The following EGFR variants were observed in gnomAD, a reference collection of about 807,000 sequenced individuals.
EGFR encodes the protein epidermal growth factor receptor.
EGFR carries 58 observed loss-of-function variants against 143.0 expected under a neutral mutation model. That is an observed-to-expected ratio of 0.41 (90% CI 0.33 to 0.50). The LOEUF (loss-of-function observed/expected upper bound fraction) is 0.50. EGFR is among the 20% of genes least tolerant of loss of function. The probability of loss-of-function intolerance (pLI) is 0.39; values close to 1 mark genes in which losing one functional copy is unlikely to be tolerated. For synonymous variants in EGFR, 613 were observed against 594.4 expected, an observed-to-expected ratio of 1.03 and a Z score of -0.45; for missense variants, 1,307 against 1,579.0, an observed-to-expected ratio of 0.83 and a Z score of 2.92.
chr7:55,066,113 C>A (rs1290011928), intron 1 of EGFR, among the ~76,000 whole-genome samples: 2 of 152,154 alleles, frequency 1.3e-5, no homozygotes, highest in Non-Finnish European at 2.9e-5. Context: ...GAGTCCCCTG[C>A]ACAGGACAGC....
At chr7:55,201,626 T>C in intron 25 of EGFR, 109 bp from the exon 26 acceptor site, 4 of 1,414,432 alleles carry the variant, frequency 2.8e-6, no homozygotes, top group Non-Finnish European at 4.0e-6. Flanking sequence ...AGACAAAAAT[T>C]AAACACCTTC....
intron 4 of EGFR, among the ~76,000 whole-genome samples, chr7:55,150,680 C>T (rs1188601417): frequency 2.0e-5 from 3 of 152,308 alleles, no homozygotes; most frequent in Admixed American, 2.0e-4. Flanking sequence ...GACAGGAAAA[C>T]CTTTGCAGCT....
At chr7:55,124,040 A>G (rs1043822441) in intron 1 of EGFR, among the ~76,000 whole-genome samples, 4 of 152,208 alleles carry the variant, frequency 2.6e-5, no homozygotes, top group African/African-American at 9.7e-5. Context: ...ATGTGTGTGT[A>G]TTAATGTATG....
At chr7:55,108,255 G>A (rs1021639896) in intron 1 of EGFR, among the ~76,000 whole-genome samples, 18 of 152,232 alleles carry the variant, frequency 1.2e-4, no homozygotes, top group Admixed American at 6.5e-4. Flanking sequence ...TCATGCTTAT[G>A]TTCTAGTCAT....
intron 15 of EGFR, among the ~76,000 whole-genome samples, chr7:55,169,225 C>T (rs368015537): frequency 2.0e-5 from 3 of 152,000 alleles, no homozygotes; most frequent in Admixed American, 6.6e-5. Context: ...TTCAGCCTCC[C>T]GAGTAGCTGG....
intron 13 of EGFR, 74 bp downstream of exon 13, chr7:55,161,705 G>C (rs2128943290): frequency 1.9e-6 from 3 of 1,609,700 alleles, no homozygotes; most frequent in South Asian, 1.1e-5. Context: ...AGCTTTACAG[G>C]CATTCTGTTT....
chr7:55,075,521 A>C (rs1790087071), intron 1 of EGFR, among the ~76,000 whole-genome samples: 1 of 152,232 alleles, frequency 6.6e-6, no homozygotes, highest in Admixed American at 6.5e-5. Context: ...ATTTCCCCCT[A>C]GATTAGGTCA....
chr7:55,118,880 G>A (rs1793033118), intron 1 of EGFR, among the ~76,000 whole-genome samples: 1 of 151,800 alleles, frequency 6.6e-6, no homozygotes, highest in African/African-American at 2.4e-5. Flanking sequence ...TGGGAAAATT[G>A]GTTATTTTAC....
intron 1 of EGFR, among the ~76,000 whole-genome samples, chr7:55,116,306 G>A (rs1006231043): frequency 3.3e-5 from 5 of 152,098 alleles, no homozygotes; most frequent in East Asian, 1.9e-4. Context: ...CACGCAATGC[G>A]CACATCCCAC....
At chr7:55,069,681 G>A (rs1355334432) in intron 1 of EGFR, among the ~76,000 whole-genome samples, 1 of 152,122 alleles carries the variant, frequency 6.6e-6, no homozygotes, top group Non-Finnish European at 1.5e-5. Flanking sequence ...CCAACTTCAG[G>A]TCCCTTTGAC....
intron 1 of EGFR, among the ~76,000 whole-genome samples, chr7:55,025,710 C>T (rs1786841505): frequency 6.6e-6 from 1 of 152,184 alleles, no homozygotes; most frequent in African/African-American, 2.4e-5. Flanking sequence ...TTCCTGGCTC[C>T]ACCTGTCTCA....
intron 27 of EGFR, among the ~76,000 whole-genome samples, chr7:55,203,498 A>T (rs1240288868): frequency 6.8e-6 from 1 of 146,812 alleles, no homozygotes; most frequent in African/African-American, 2.6e-5. Flanking sequence ...ACACAGACAC[A>T]TATACACTAC....
chr7:55,096,104 C>G (rs981072158), intron 1 of EGFR, among the ~76,000 whole-genome samples: 7 of 152,114 alleles, frequency 4.6e-5, no homozygotes. Context: ...GTGAAAGAAG[C>G]CTTGTTTTTC....
chr7:55,172,202 T>C (rs12666182), intron 16 of EGFR, among the ~76,000 whole-genome samples: 39,119 of 152,146 alleles, frequency 0.26, 5,640 homozygotes, highest in East Asian at 0.56. Flanking sequence ...TCCATCTTTT[T>C]CTTCTCCTCC....
At chr7:55,185,967 A>C (rs565506250) in intron 20 of EGFR, among the ~76,000 whole-genome samples, 39 of 152,354 alleles carry the variant, frequency 2.6e-4, no homozygotes, top group African/African-American at 9.4e-4. Context: ...TGCTACTGAC[A>C]AGAAGCCCCA....
intron 1 of EGFR, among the ~76,000 whole-genome samples, chr7:55,103,402 A>G (rs1377332415): frequency 6.6e-6 from 1 of 152,260 alleles, no homozygotes; most frequent in Non-Finnish European, 1.5e-5. Flanking sequence ...CATAACCATA[A>G]TATGTCTTCA....
rs749400221 is a variant in EGFR, at chr7:55,202,614, T to G, written c.3260T>G (p.Leu1087Arg). Residue 1087 changes from leucine to arginine, a missense_variant, in exon 27 of 28, where the codon CTC becomes CGC. Around this residue, in one of 7 missense-constraint regions of EGFR, gnomAD observed 313 missense variants for 312.3 expected, o/e 1.00. Coordinates refer to ENST00000275493, the MANE Select transcript of EGFR (RefSeq NM_005228.5). The stretch of plus-strand genomic sequence containing the variant: ...GAGGACAGCATAGACGACACCTTCC[T>G]CCCAGTGCCTGGTGAGTGGCTTGTC... Reference protein sequence around the residue: ...LTEDSIDDTFLPVPEYINQSV... With the variant: ...LTEDSIDDTFRPVPEYINQSV... 1 of 1,612,510 alleles carries G rather than the reference T, an allele frequency of 6.2e-7. No homozygotes were observed. The highest frequency in any genetic ancestry group is 8.5e-7 in the Non-Finnish European group (1 of 1,179,264).
intron 1 of EGFR, among the ~76,000 whole-genome samples, chr7:55,030,378 T>G (rs1026573571): frequency 1.3e-5 from 2 of 152,256 alleles, no homozygotes; most frequent in Non-Finnish European, 2.9e-5. Context: ...TTTCCCAGGT[T>G]TCTTTTTTGT....
intron 17 of EGFR, 123 bp from the exon 18 acceptor site, chr7:55,173,798 C>A (rs113356449): frequency 6.7e-7 from 1 of 1,490,302 alleles, no homozygotes; most frequent in Non-Finnish European, 9.3e-7. Context: ...TGGCAAGTGC[C>A]GTGTCCTGGC....
Sources: gnomAD v4.1 joint callset for allele counts (sites outside exome capture counted in the v4.1 genomes callset) on GRCh38, gnomAD v4.1.1 for gene constraint, gnomAD v4.1.1 regional missense constraint, MANE v1.5 for transcripts, NCBI Gene and HGNC (gene_info 2026-07-23, HGNC 2026-07-21) for gene names.